Variants in MOB1B observed in about 807,000 individuals in gnomAD.
The protein encoded by MOB1B is MOB1 Mps One Binder homolog B.
MOB1B carries 19 observed loss-of-function variants against 24.4 expected under a neutral mutation model. The observed-to-expected ratio is 0.78, with a 90% CI of 0.54 to 1.14. The LOEUF is 1.14. Among genes scored for constraint, MOB1B ranks in the 50% most tolerant of loss-of-function variants. The pLI is 0.00. For missense variants in MOB1B, 243 were observed against 259.6 expected, an observed-to-expected ratio of 0.94 and a Z score of 0.44; for synonymous variants, 76 against 82.1, an observed-to-expected ratio of 0.93 and a Z score of 0.40.
chr4:70,952,426 G>A (rs533274052), intron 1 of MOB1B, among the ~76,000 whole-genome samples: 1 of 151,718 alleles, frequency 6.6e-6, no homozygotes, highest in Admixed American at 6.6e-5. Context: ...GGCGGATCAC[G>A]AGGTCAGGAG....
chr4:70,948,890 C>T (rs1224633810), intron 1 of MOB1B, among the ~76,000 whole-genome samples: 1 of 152,174 alleles, frequency 6.6e-6, no homozygotes, highest in Non-Finnish European at 1.5e-5. Context: ...CTCCCTCCAC[C>T]ATGCTCTGAG....
intron 1 of MOB1B, among the ~76,000 whole-genome samples, chr4:70,926,742 C>T (rs909854602): frequency 6.6e-6 from 1 of 152,138 alleles, no homozygotes; most frequent in Non-Finnish European, 1.5e-5. Context: ...CGCAGTGGCT[C>T]ACGCCTGTAA....
At chr4:70,920,252 C>G (rs1008417151) in intron 1 of MOB1B, among the ~76,000 whole-genome samples, 1 of 152,074 alleles carries the variant, frequency 6.6e-6, no homozygotes, top group African/African-American at 2.4e-5. Flanking sequence ...CTCTCCTCCT[C>G]CTTCTCATTC....
rs187261152 is a variant in MOB1B at position 70,931,564 on chromosome 4, G to A, written c.15-27310G>A. On this transcript the variant is annotated intron_variant, in intron 1 of 5. Transcript: ENST00000309395. Reference sequence around the variant, plus strand: ...TAGATTACCTTTAGTGATTTTTTAGGGTTGGAAAAATTTCTAGTCCAGCCT... The same window carrying A: ...TAGATTACCTTTAGTGATTTTTTAGAGTTGGAAAAATTTCTAGTCCAGCCT... Among the ~76,000 whole-genome samples the A allele has an allele frequency of 3.3e-5, 5 of 152,160 alleles. No individual in the cohort carries two copies. The East Asian group carries it at 9.7e-4, about 29-fold the overall frequency.
At chr4:70,959,069 CT>C in intron 2 of MOB1B, 29 bp downstream of exon 2, 1 of 1,601,084 alleles carries the variant, frequency 6.2e-7, no homozygotes, top group Non-Finnish European at 8.5e-7. Flanking sequence ...TCTCAGTAGC[CT>C]GTGAATTAGG....
intron 1 of MOB1B, among the ~76,000 whole-genome samples, chr4:70,935,278 G>A (rs547670091): frequency 6.8e-4 from 104 of 152,276 alleles, no homozygotes; most frequent in African/African-American, 2.5e-3. Flanking sequence ...CTTCAGATAA[G>A]AAAGGGAGTA....
At position 70,902,563 on chromosome 4, in the gene MOB1B, G is replaced by T; in HGVS notation, c.14+13G>T. 6.4e-7 allele frequency: 1 copy of T among 1,554,110 alleles called. No homozygotes were observed. ...TGAGCTTCTTGTTGTGAGTAGCCAG[G>T]CCCCGCACGCGCCGGCTTTGTTCGG... On this transcript the variant is annotated intron_variant, in intron 1 of 5. Coordinates refer to ENST00000309395, the MANE Select transcript of MOB1B (RefSeq NM_173468.4).
intron 1 of MOB1B, among the ~76,000 whole-genome samples, chr4:70,946,354 C>T (rs546441328): frequency 3.3e-4 from 50 of 152,036 alleles, no homozygotes; most frequent in Non-Finnish European, 6.9e-4. Context: ...ACATTTATTA[C>T]GCATTCCGTT....
chr4:70,979,270 G>C lies in MOB1B; in HGVS notation c.552G>C (p.Lys184Asn). The change falls in exon 5 of 6, where the codon AAG becomes AAC. Residue 184 changes from lysine to asparagine, a missense_variant. Lys to Asn is a moderately conservative substitution (Grantham distance 94). Coordinates refer to ENST00000309395, the MANE Select transcript of MOB1B (RefSeq NM_173468.4). ...AAGCACATCTAAATACATCTTTCAAGCACTTTATTTTTTTTGTCCAGGTAA... is the reference window on the plus strand; with the variant it reads ...AAGCACATCTAAATACATCTTTCAACCACTTTATTTTTTTTGTCCAGGTAA... ...QEEAHLNTSF[K>N]HFIFFVQEFN... 5 of 1,613,342 alleles carry C rather than the reference G, an allele frequency of 3.1e-6. No individual in the cohort carries two copies. The South Asian group carries it at 3.3e-5, about 11-fold the overall frequency.
intron 3 of MOB1B, among the ~76,000 whole-genome samples, chr4:70,973,997 A>G (rs368486889): frequency 6.6e-6 from 1 of 152,174 alleles, no homozygotes; most frequent in African/African-American, 2.4e-5. Flanking sequence ...TCTGGGGACA[A>G]GGGTAGAATT....
chr4:70,930,211 G>GT (rs1037645761), intron 1 of MOB1B, among the ~76,000 whole-genome samples: 42 of 151,370 alleles, frequency 2.8e-4, no homozygotes, highest in South Asian at 4.2e-4. Flanking sequence ...TTGTTTCTTA[G>GT]TTTTTTTTTG....
At position 70,985,192 on chromosome 4, in the gene MOB1B, C is replaced by T. The variant is rs1254928851; in HGVS notation, c.*3135C>T. On this transcript the variant is annotated 3_prime_UTR_variant, in exon 6 of 6. Transcript: ENST00000309395. ...ATGGGAAAATAGCAAAACAACATTT[C>T]ATTTATACTTTTGTTTACCCCTCTC... 1 of 152,146 alleles carries T rather than the reference C, an allele frequency of 6.6e-6. No homozygotes were observed. The highest frequency in any genetic ancestry group is 1.5e-5 in the Non-Finnish European group (1 of 68,014). 9.4% of individuals were successfully genotyped at this position (152,146 alleles called of 1,614,324 possible).
At chr4:70,908,323 C>T (rs1442215429) in intron 1 of MOB1B, among the ~76,000 whole-genome samples, 2 of 149,350 alleles carry the variant, frequency 1.3e-5, no homozygotes, top group African/African-American at 2.5e-5. Flanking sequence ...CCACTGTGCC[C>T]GGCCCTCTTT....
intron 1 of MOB1B, among the ~76,000 whole-genome samples, chr4:70,951,993 T>G (rs28673341): frequency 1.3e-5 from 2 of 152,254 alleles, no homozygotes; most frequent in Non-Finnish European, 1.5e-5. Context: ...TGCTCCCATA[T>G]GTTGTTAATG....
chr4:70,909,848 C>G (rs1032871614), intron 1 of MOB1B, among the ~76,000 whole-genome samples: 2 of 152,102 alleles, frequency 1.3e-5, no homozygotes, highest in African/African-American at 4.8e-5. Flanking sequence ...CTGCCTCAGC[C>G]TCCTGAGTAG....
chr4:70,981,041 C>T (rs1300869785), intron 5 of MOB1B, among the ~76,000 whole-genome samples: 1 of 152,118 alleles, frequency 6.6e-6, no homozygotes, highest in African/African-American at 2.4e-5. Context: ...AATCTGTTCT[C>T]CTGGTCGCTG....
At chr4:70,964,446 C>T (rs1738433056) in intron 2 of MOB1B, among the ~76,000 whole-genome samples, 1 of 151,988 alleles carries the variant, frequency 6.6e-6, no homozygotes, top group Admixed American at 6.6e-5. Context: ...ATATTTTGAA[C>T]TGAAATTTGG....
intron 1 of MOB1B, among the ~76,000 whole-genome samples, chr4:70,956,546 T>C (rs2148892708): frequency 6.6e-6 from 1 of 152,324 alleles, no homozygotes; most frequent in African/African-American, 2.4e-5. Context: ...TCTTCCCATC[T>C]CAGCCTCCTG....
chr4:70,957,703 C>G (rs527279930), intron 1 of MOB1B, among the ~76,000 whole-genome samples: 2 of 151,668 alleles, frequency 1.3e-5, no homozygotes, highest in East Asian at 3.9e-4. Flanking sequence ...TCTGGCCTCC[C>G]AAGTAGCTGG....
Sources: gnomAD v4.1 joint callset for allele counts (sites outside exome capture counted in the v4.1 genomes callset) on GRCh38, gnomAD v4.1.1 for gene constraint, MANE v1.5 for transcripts, NCBI Gene and HGNC (gene_info 2026-07-23, HGNC 2026-07-21) for gene names.